The following ADA2 variants were observed in gnomAD, a reference collection of about 807,000 sequenced individuals.
ADA2 encodes the protein adenosine deaminase 2, also known as adenosine deaminase CECR1.
In ADA2, 29 loss-of-function variants were observed where a neutral mutation model predicts 44.2. That is an observed-to-expected ratio of 0.66 (90% CI 0.49 to 0.89). ADA2 has a LOEUF of 0.89. ADA2 is among the 40% of genes least tolerant of loss of function. The pLI is 0.00. For missense variants in ADA2, 637 were observed against 644.8 expected (o/e 0.99, Z 0.13); for synonymous variants, 215 against 234.9 (o/e 0.92, Z 0.77).
chr22:17,181,755 G>C, intron 9 of ADA2, 65 bp downstream of exon 9: 1 of 1,405,480 alleles, frequency 7.1e-7, no homozygotes, highest in Non-Finnish European at 1.0e-6. Context: ...CAAGCCTCCA[G>C]AGAGGCAAAC....
At chr22:17,221,671 G>C (rs968403315), upstream of ADA2, 8 of 152,222 alleles carry the variant, frequency 5.3e-5, no homozygotes, top group Non-Finnish European at 1.2e-4. Context: ...CGGGTTCTGG[G>C]GAGTGGAGAC....
intron 7 of ADA2, among the ~76,000 whole-genome samples, chr22:17,184,530 G>C (rs2062013222): frequency 6.6e-6 from 1 of 152,188 alleles, no homozygotes; most frequent in Non-Finnish European, 1.5e-5. Context: ...GCATAGCACA[G>C]ATTGCTTCTT....
At chr22:17,188,174 C>T (rs1302497311) in intron 7 of ADA2, among the ~76,000 whole-genome samples, 165 bp downstream of exon 7, 2 of 152,124 alleles carry the variant, frequency 1.3e-5, no homozygotes, top group Admixed American at 1.3e-4. Context: ...TTCTATTATC[C>T]TTGTTATTCC....
upstream of ADA2, chr22:17,219,601 T>C (rs1200763812): frequency 6.6e-6 from 1 of 151,066 alleles, no homozygotes. Context: ...GGGGGGCTTG[T>C]GCGCATGTTC....
intron 8 of ADA2, 116 bp from the exon 9 acceptor site, chr22:17,182,138 C>G (rs1407591339): frequency 3.8e-6 from 3 of 783,604 alleles, no homozygotes; most frequent in Non-Finnish European, 2.1e-6. Flanking sequence ...CACTATCTCC[C>G]CAGTATGGGG....
Position 17,188,411 on chromosome 22 carries a change from A to G in ADA2, c.1009T>C (p.Tyr337His), listed in dbSNP as rs757613201. The change falls in exon 7 of 10, where the codon TAC (tyrosine) becomes CAC (histidine). Residue 337 changes from tyrosine to histidine, a missense_variant. By Grantham distance (83) the Tyr-to-His change is moderately conservative (BLOSUM62 2). Coordinates refer to ENST00000399837, the MANE Select transcript of ADA2 (RefSeq NM_001282225.2). ...HEDTGHSLHD[Y>H]KEALMIPAKD... The stretch of plus-strand genomic sequence containing the variant: ...GCGGGGATCATCAGAGCTTCCTTGT[A>G]GTCATGCAAGGAGTGGCCAGTGTCC... 5.0e-6 allele frequency: 8 copies of G among 1,613,868 alleles called. No homozygotes were observed. Among genetic ancestry groups the G allele is most frequent in the Non-Finnish European group, 6.8e-6 (8 of 1,179,898 alleles).
chr22:17,189,843 C>T (rs1173578296), intron 6 of ADA2, 99 bp downstream of exon 6: 13 of 810,582 alleles, frequency 1.6e-5, no homozygotes, highest in East Asian at 2.5e-5. Context: ...TACCAACAGG[C>T]ACATTGCGCT....
At chr22:17,187,448 C>T (rs1044749850) in intron 7 of ADA2, among the ~76,000 whole-genome samples, 63 of 152,046 alleles carry the variant, frequency 4.1e-4, no homozygotes, top group African/African-American at 1.5e-3. Flanking sequence ...ACCATCATGC[C>T]TGGCTAATTT....
In ADA2 at chr22:17,209,660, T is replaced by C. The variant is rs2062397016; in HGVS notation, c.18A>G (p.Pro6=). 6.2e-7 allele frequency: 1 copy of C among 1,612,906 alleles called. No homozygotes were observed. The highest frequency in any genetic ancestry group is 8.5e-7 in the Non-Finnish European group (1 of 1,179,584). The change falls in exon 2 of 10, where the codon CCA becomes CCG. Residue 6 remains proline (P), a synonymous_variant. Transcript: ENST00000399837. ...AGAAGCACAGGGCTGGCCGCTCAGA[T>C]GGGCCATCCACCAACATCGGGATGC... MLVDG[P]SERPALCFLL...
rs2062117386 is a variant in ADA2 at position 17,191,727 on chromosome 22, A to C, written c.837T>G (p.Thr279=). 20 of 1,614,018 alleles carry C rather than the reference A, an allele frequency of 1.2e-5. No individual in the cohort carries two copies. The East Asian group carries it at 4.2e-4, about 34-fold the overall frequency. The change falls in exon 5 of 10, where the codon ACT becomes ACG. Residue 279 remains threonine, a synonymous_variant. Coordinates refer to ENST00000399837, the MANE Select transcript of ADA2 (RefSeq NM_001282225.2). ...YQEVAQKFVE[T]HPEFIGIKII... is the part of the protein sequence containing the mutation. The stretch of plus-strand genomic sequence containing the variant: ...TTTTGATTCCAATAAACTCAGGGTG[A>C]GTTTCCACAAACTTCTGAGCTACTT...
In ADA2 at chr22:17,188,439, A is replaced by G. The variant is rs1601430824; in HGVS notation, c.981T>C (p.His327=). ...TVVAGFDLVG[H]EDTGHSLHDY... is the part of the protein sequence containing the mutation. The stretch of plus-strand genomic sequence containing the variant: ...CATGCAAGGAGTGGCCAGTGTCCTC[A>G]TGCCCCACCTGCAGGACAGAGAGGG... Residue 327 remains histidine (H), a synonymous_variant, in exon 7 of 10, where the codon CAT becomes CAC. Transcript: ENST00000399837. 16 of 1,611,346 alleles carry G rather than the reference A, an allele frequency of 9.9e-6. No homozygotes were observed. In the East Asian group the frequency reaches 3.3e-4, roughly 34 times the overall value.
intron 4 of ADA2, chr22:17,199,441 T>TCCCCACCCA: frequency 1.1e-5 from 12 of 1,075,910 alleles, no homozygotes; most frequent in East Asian, 2.4e-5. Flanking sequence ...TCTATCCTCT[T>TCCCCACCCA]CCCCTCCACC....
At chr22:17,203,854 C>G (rs1471778893) in intron 3 of ADA2, 81 bp from the exon 4 acceptor site, 1 of 832,658 alleles carries the variant, frequency 1.2e-6, no homozygotes, top group Non-Finnish European at 2.0e-6. Context: ...TGCTACCCAC[C>G]TTGCATATCC....
At chr22:17,200,575 G>A (rs2062267258) in intron 4 of ADA2, among the ~76,000 whole-genome samples, 1 of 152,100 alleles carries the variant, frequency 6.6e-6, no homozygotes, top group African/African-American at 2.4e-5. Context: ...CAGCCTTGCC[G>A]CTAAACTCAC....
intron 1 of ADA2, among the ~76,000 whole-genome samples, chr22:17,217,510 A>G (rs1309013838): frequency 1.3e-5 from 2 of 152,202 alleles, no homozygotes; most frequent in East Asian, 3.8e-4. Flanking sequence ...CTGCTCCTTT[A>G]CCTGGGTTAT....
intron 4 of ADA2, among the ~76,000 whole-genome samples, chr22:17,194,467 C>G (rs984043427): frequency 6.6e-6 from 1 of 152,212 alleles, no homozygotes; most frequent in African/African-American, 2.4e-5. Flanking sequence ...GCCTGCAGAA[C>G]AGTACTGCTG....
chr22:17,181,150 A>G lies in ADA2; in HGVS notation c.*333T>C, dbSNP rs564577570. Reference sequence around the variant, plus strand: ...CAAAACTCCATCTCGAAAAAATACAAAAATAAAAAAATAAAGAGACCAGAA... The same window carrying G: ...CAAAACTCCATCTCGAAAAAATACAGAAATAAAAAAATAAAGAGACCAGAA... On this transcript the variant is annotated 3_prime_UTR_variant, in exon 10 of 10. Coordinates refer to ENST00000399837, the MANE Select transcript of ADA2 (RefSeq NM_001282225.2). The G allele has an allele frequency of 4.5e-4, 84 of 185,554 alleles. No homozygotes were observed. The highest frequency in any genetic ancestry group is 1.7e-3 in the African/African-American group (73 of 42,346). The allele number at this position is 185,554 out of a possible 1,614,324, so 11.5% of individuals were successfully genotyped here. A position where few individuals can be genotyped will look rare whatever the true frequency, so the allele number is the denominator to read the frequency against.
intron 4 of ADA2, chr22:17,193,009 G>A (rs746318806): frequency 1.1e-5 from 7 of 648,340 alleles, no homozygotes; most frequent in Middle Eastern, 2.7e-4. Context: ...CGTAACTGGC[G>A]GAAACCCAGA....
intron 1 of ADA2, among the ~76,000 whole-genome samples, chr22:17,216,770 A>AC (rs55716825): frequency 0.2 from 26,037 of 132,894 alleles, 2,559 homozygotes; most frequent in East Asian, 0.39. Flanking sequence ...AAAAAAAAAA[A>AC]AACACACACA....
Sources: allele counts gnomAD v4.1 joint callset (sites outside exome capture counted in the v4.1 genomes callset), GRCh38; gene constraint gnomAD v4.1.1; transcripts MANE v1.5; gene names NCBI Gene and HGNC (gene_info 2026-07-23, HGNC 2026-07-21).